Variants in SHISA9 observed in about 807,000 individuals in gnomAD.
SHISA9 encodes protein shisa-9.
Under a neutral mutation model 38.0 loss-of-function variants are expected in SHISA9, and 13 were observed. That is an observed-to-expected ratio of 0.34 (90% CI 0.22 to 0.54). The LOEUF is 0.54. SHISA9 is among the 20% of genes least tolerant of loss of function. The pLI is 0.91. For synonymous variants in SHISA9, 275 were observed against 242.0 expected, an observed-to-expected ratio of 1.14 and a Z score of -1.27; for missense variants, 538 against 575.8, an observed-to-expected ratio of 0.93 and a Z score of 0.67.
chr16:13,508,079 T>C, the SHISA9 span, among the ~76,000 whole-genome samples: 1 of 152,182 alleles, frequency 6.6e-6, no homozygotes, highest in Admixed American at 6.6e-5. Flanking sequence ...CTCTTTCTCT[T>C]GGTCTCTATC....
At position 12,902,109 on chromosome 16, in the gene SHISA9, G is replaced by T. The variant is rs1021199892; in HGVS notation, c.45G>T (p.Glu15Asp). 1 of 1,499,620 alleles carries T rather than the reference G, an allele frequency of 6.7e-7. No individual in the cohort carries two copies. The highest frequency in any genetic ancestry group is 8.8e-7 in the Non-Finnish European group (1 of 1,132,946). The allele number at this position is 1,499,620 out of a possible 1,614,324, so 92.9% of individuals were successfully genotyped here. ...TGCTCCTCGGTTGCTTCCTCACCGA[G>T]CTGTGCGCCCGCGTGTGCCGGGCGC... ...LRLLLGCFLT[E>D]LCARVCRAQE... The change falls in exon 1 of 5, where the codon GAG (glutamate) becomes GAT (aspartate). Residue 15 changes from glutamate to aspartate, a missense_variant. Transcript: ENST00000558583.
intron 2 of SHISA9, among the ~76,000 whole-genome samples, chr16:13,127,579 G>A (rs1309793350): frequency 6.6e-6 from 1 of 151,994 alleles, no homozygotes; most frequent in Non-Finnish European, 1.5e-5. Context: ...AGAAGAGAAG[G>A]GGAGGGAGAG....
At chr16:13,252,962 C>T in the SHISA9 span, among the ~76,000 whole-genome samples, 1 of 152,202 alleles carries the variant, frequency 6.6e-6, no homozygotes, top group African/African-American at 2.4e-5. Flanking sequence ...GCAAGACCAA[C>T]TCCTCTTCTC....
At chr16:13,044,601 C>T (rs1294328695) in intron 2 of SHISA9, among the ~76,000 whole-genome samples, 1 of 152,174 alleles carries the variant, frequency 6.6e-6, no homozygotes. Flanking sequence ...TTTGAGGAAG[C>T]ACCGTGGGGC....
At chr16:13,277,223 G>A in the SHISA9 span, among the ~76,000 whole-genome samples, 1 of 152,030 alleles carries the variant, frequency 6.6e-6, no homozygotes. Context: ...TCAGTTGGCT[G>A]TAAGTAATTG....
At chr16:13,203,330 T>G in intron 2 of SHISA9, 64 bp from the exon 3 acceptor site, 1 of 1,386,380 alleles carries the variant, frequency 7.2e-7, no homozygotes, top group Non-Finnish European at 9.4e-7. Context: ...GATGTGGTGA[T>G]GGGAGGGAAG....
chr16:13,004,923 A>T (rs956459347), intron 2 of SHISA9, among the ~76,000 whole-genome samples: 1 of 144,232 alleles, frequency 6.9e-6, no homozygotes, highest in African/African-American at 2.5e-5. Context: ...CAAGAGTAAG[A>T]CTCCATCTCT....
intron 4 of SHISA9, among the ~76,000 whole-genome samples, chr16:13,222,788 GTATGTATA>G (rs967897646): frequency 9.4e-5 from 6 of 63,924 alleles, no homozygotes; most frequent in African/African-American, 6.8e-4. Flanking sequence ...AGGTGTGTGT[GTATGTATA>G]TATATATATA....
At chr16:13,108,520 C>T (rs1460772843) in intron 2 of SHISA9, among the ~76,000 whole-genome samples, 1 of 152,040 alleles carries the variant, frequency 6.6e-6, no homozygotes, top group East Asian at 1.9e-4. Context: ...CCACTTTGGA[C>T]TCCCAAAGCA....
chr16:13,512,808 G>A, the SHISA9 span, among the ~76,000 whole-genome samples: 2 of 152,164 alleles, frequency 1.3e-5, no homozygotes, highest in South Asian at 4.1e-4. Flanking sequence ...CTAGCCATAT[G>A]CAGAAAATTG....
intron 2 of SHISA9, among the ~76,000 whole-genome samples, chr16:13,003,667 G>A (rs1210312201): frequency 6.6e-6 from 1 of 152,096 alleles, no homozygotes; most frequent in Non-Finnish European, 1.5e-5. Flanking sequence ...AGACCAGCCT[G>A]ACCAGTATGG....
In SHISA9 at chr16:12,916,795, G is replaced by T; in HGVS notation, c.671G>T (p.Arg224Ile). The change falls in exon 2 of 5, where the codon AGA becomes ATA. Residue 224 changes from arginine to isoleucine, a missense_variant. Transcript: ENST00000558583. ...CAGCATTATGAGAACATGGACACGA[G>T]AACCCCCATAAATAATCTTCGTAAG... ...HVQHYENMDT[R>I]TPINNLHATQ... 6.4e-7 allele frequency: 1 copy of T among 1,551,770 alleles called. No individual in the cohort carries two copies. The highest frequency in any genetic ancestry group is 2.4e-5 in the East Asian group (1 of 40,926).
At chr16:13,476,739 T>TTC in the SHISA9 span, among the ~76,000 whole-genome samples, 1 of 68,776 alleles carries the variant, frequency 1.5e-5, no homozygotes, top group East Asian at 5.1e-4. Context: ...CTGTTTTGTG[T>TTC]TTTTTTTTTT....
the SHISA9 span, among the ~76,000 whole-genome samples, chr16:13,441,885 C>T: frequency 6.6e-6 from 1 of 152,200 alleles, no homozygotes; most frequent in Non-Finnish European, 1.5e-5. Context: ...CATATAATTC[C>T]CAACCCAAAG....
rs926137302 is a variant in SHISA9, at chr16:13,219,795, C to G, written c.895+6495C>G. ...AACAGAGATGGTGAAATTGTCTCTA[C>G]AAAAATACAAAAATTAGCTGGGCAT... On this transcript the variant is annotated intron_variant, in intron 4 of 4. Transcript: ENST00000558583. Among the ~76,000 whole-genome samples, 3 of 151,962 alleles carry G rather than the reference C, an allele frequency of 2.0e-5. No homozygotes were observed. The South Asian group carries it at 6.2e-4, about 32-fold the overall frequency.
the SHISA9 span, among the ~76,000 whole-genome samples, chr16:13,437,090 C>G: frequency 1.3e-5 from 2 of 152,172 alleles, no homozygotes; most frequent in Non-Finnish European, 2.9e-5. Flanking sequence ...CCTCCCATGG[C>G]ACATTACGGG....
chr16:13,469,242 GA>G, the SHISA9 span, among the ~76,000 whole-genome samples: 33 of 125,900 alleles, frequency 2.6e-4, no homozygotes, highest in African/African-American at 8.0e-4. Context: ...ACTCTGCCAA[GA>G]AAAAAAAAGA....
chr16:13,538,463 A>C, the SHISA9 span, among the ~76,000 whole-genome samples: 1 of 152,240 alleles, frequency 6.6e-6, no homozygotes, highest in African/African-American at 2.4e-5. Flanking sequence ...GCTTGTCATA[A>C]AATACATACA....
chr16:12,909,756 T>C, intron 1 of SHISA9: 1 of 213,598 alleles, frequency 4.7e-6, no homozygotes, highest in Non-Finnish European at 8.0e-6. Flanking sequence ...ATTTTTACAT[T>C]ATGGTCTAAA....
Sources: allele counts gnomAD v4.1 joint callset (sites outside exome capture counted in the v4.1 genomes callset), GRCh38; gene constraint gnomAD v4.1.1; transcripts MANE v1.5; gene names NCBI Gene and HGNC (gene_info 2026-07-23, HGNC 2026-07-21).